Variants in HAAO observed in about 807,000 individuals in gnomAD.
The protein encoded by HAAO is 3-hydroxyanthranilate 3,4-dioxygenase, also known as 3-hydroxyanthranilate oxygenase.
Under a neutral mutation model 46.2 loss-of-function variants are expected in HAAO, and 49 were observed. The ratio of observed to expected loss-of-function variants is 1.06; its 90% CI spans 0.84 to 1.34. The LOEUF (loss-of-function observed/expected upper bound fraction) is 1.34. Ranked by LOEUF, HAAO falls within the 40% of genes most tolerant of loss-of-function variation. HAAO has a pLI of 0.00. For missense variants in HAAO, 408 were observed against 364.5 expected (o/e 1.12, Z -0.97); for synonymous variants, 157 against 145.2 (o/e 1.08, Z -0.58).
At chr2:42,790,465 C>T (rs1454336660) in intron 1 of HAAO, among the ~76,000 whole-genome samples, 2 of 151,098 alleles carry the variant, frequency 1.3e-5, no homozygotes, top group African/African-American at 4.9e-5. Flanking sequence ...GAAGGCTGGT[C>T]CAGGAGGGTG....
chr2:42,780,902 C>T (rs1312465699), intron 4 of HAAO, among the ~76,000 whole-genome samples: 1 of 68,254 alleles, frequency 1.5e-5, no homozygotes, highest in Non-Finnish European at 2.6e-5. Flanking sequence ...CCTGTCTCTA[C>T]TAAAAATACA....
rs775680087 is a variant in HAAO, at chr2:42,767,457, A to C, written c.841T>G (p.Cys281Gly). Residue 281 changes from cysteine (C) to glycine (G), a missense_variant, in exon 10 of 10, where the codon TGC (cysteine) becomes GGC (glycine). Coordinates refer to ENST00000294973, the MANE Select transcript of HAAO (RefSeq NM_012205.3). ...VALSVTQDPACKKPLG is the reference protein window; with the variant it reads ...VALSVTQDPAGKKPLG Reference sequence around the variant, plus strand: ...GAGGGTCACCCCAGGGGCTTCTTGCAGGCAGGGTCCTGGGTCACAGACAGG... The same window carrying C: ...GAGGGTCACCCCAGGGGCTTCTTGCCGGCAGGGTCCTGGGTCACAGACAGG... The C allele has an allele frequency of 2.5e-6, 4 of 1,612,964 alleles. No homozygotes were observed. Among genetic ancestry groups the C allele is most frequent in the African/African-American group, 1.3e-5 (1 of 74,904 alleles).
intron 7 of HAAO, among the ~76,000 whole-genome samples, chr2:42,768,483 C>G (rs1039669467): frequency 4.6e-5 from 7 of 152,138 alleles, no homozygotes; most frequent in Admixed American, 3.9e-4. Context: ...CTGAGTGGTA[C>G]TGCTGTGACA....
intron 4 of HAAO, among the ~76,000 whole-genome samples, chr2:42,781,417 A>G (rs1324828191): frequency 6.6e-6 from 1 of 152,180 alleles, no homozygotes; most frequent in African/African-American, 2.4e-5. Flanking sequence ...GACACGCCCA[A>G]AGGCCTCAAG....
chr2:42,773,474 A>G (rs868301872), intron 4 of HAAO, among the ~76,000 whole-genome samples: 4 of 152,136 alleles, frequency 2.6e-5, no homozygotes, highest in South Asian at 2.1e-4. Flanking sequence ...CGCTTTCCAC[A>G]TCTCACCCCT....
intron 2 of HAAO, among the ~76,000 whole-genome samples, chr2:42,784,903 C>T (rs765346982): frequency 4.6e-5 from 7 of 152,204 alleles, no homozygotes; most frequent in Non-Finnish European, 8.8e-5. Context: ...AGTGCTAAAA[C>T]TGGGAAAGTT....
rs376330154 is a variant in HAAO at position 42,783,570 on chromosome 2, A to AC, written c.244-151dup. 120 of 677,342 alleles carry AC rather than the reference A, an allele frequency of 1.8e-4. No individual in the cohort carries two copies. The African/African-American group carries it at 2.1e-3, about 12-fold the overall frequency. The allele number at this position is 677,342 out of a possible 1,614,324, so 42.0% of individuals were successfully genotyped here. ...GGGCCCTCTTCTCTGCCCAGCCTCT[A>AC]CACCAGGGAACCAGAGGGAATGTTG... On this transcript the variant is annotated intron_variant, in intron 3 of 9. Coordinates refer to ENST00000294973, the MANE Select transcript of HAAO (RefSeq NM_012205.3).
intron 6 of HAAO, 36 bp downstream of exon 6, chr2:42,770,107 G>A (rs1274011394): frequency 6.3e-7 from 1 of 1,585,566 alleles, no homozygotes; most frequent in East Asian, 2.3e-5. Context: ...GGAAGGGGAG[G>A]GAGGGAAGGA....
chr2:42,783,944 C>G, intron 2 of HAAO, 77 bp from the exon 3 acceptor site: 4 of 1,549,568 alleles, frequency 2.6e-6, no homozygotes, highest in Non-Finnish European at 3.5e-6. Flanking sequence ...GCCCTGAATT[C>G]TGACCGGGAA....
intron 2 of HAAO, among the ~76,000 whole-genome samples, chr2:42,786,798 T>C (rs989868350): frequency 6.6e-6 from 1 of 152,156 alleles, no homozygotes; most frequent in East Asian, 1.9e-4. Flanking sequence ...CTGACCGCTA[T>C]TGCAGAGGCA....
At chr2:42,791,887 G>T (rs935696030) in intron 1 of HAAO, among the ~76,000 whole-genome samples, 7 of 141,054 alleles carry the variant, frequency 5.0e-5, no homozygotes, top group African/African-American at 1.9e-4. Flanking sequence ...GCAGGCAGAG[G>T]CTACTGGCAG....
intron 1 of HAAO, among the ~76,000 whole-genome samples, chr2:42,790,100 G>C (rs1672677620): frequency 6.6e-6 from 1 of 152,172 alleles, no homozygotes; most frequent in Non-Finnish European, 1.5e-5. Flanking sequence ...CCCCAAACTA[G>C]ACTGGCAGGT....
intron 4 of HAAO, among the ~76,000 whole-genome samples, chr2:42,770,948 A>G (rs55727995): frequency 0.41 from 62,070 of 152,096 alleles, 13,297 homozygotes; most frequent in African/African-American, 0.51. Context: ...GACAATCTTA[A>G]AAACTTAGAG....
At chr2:42,790,277 G>A (rs1022766478) in intron 1 of HAAO, among the ~76,000 whole-genome samples, 6 of 152,050 alleles carry the variant, frequency 3.9e-5, no homozygotes, top group Non-Finnish European at 8.8e-5. Context: ...GGATGAGGTT[G>A]CAGGGCAGGA....
intron 4 of HAAO, among the ~76,000 whole-genome samples, chr2:42,775,344 T>C (rs1671469308): frequency 6.6e-6 from 1 of 151,702 alleles, no homozygotes; most frequent in South Asian, 2.1e-4. Context: ...TTTTGACTGC[T>C]AAGGGGCTTG....
At chr2:42,785,735 G>T (rs1254549093) in intron 2 of HAAO, among the ~76,000 whole-genome samples, 2 of 152,042 alleles carry the variant, frequency 1.3e-5, no homozygotes, top group Non-Finnish European at 2.9e-5. Flanking sequence ...GGTGATGTGT[G>T]CCTGTAGTCC....
Position 42,792,533 on chromosome 2 carries a change from C to T in HAAO, c.4G>A (p.Glu2Lys), listed in dbSNP as rs747213847. The T allele has an allele frequency of 1.3e-6, 2 of 1,574,600 alleles. No individual in the cohort carries two copies. Among genetic ancestry groups the T allele is most frequent in the South Asian group, 1.1e-5 (1 of 87,086 alleles). Residue 2 changes from glutamate to lysine, a missense_variant, in exon 1 of 10, where the codon GAG becomes AAG. By Grantham distance (56) the Glu-to-Lys change is moderately conservative. Transcript: ENST00000294973. M[E>K]RRLGVRAWVK... Reference sequence around the variant, plus strand: ...CAGGCCCTCACTCCCAGGCGGCGCTCCATGACTGTCCCGGGCGCCTCCTCG... The same window carrying T: ...CAGGCCCTCACTCCCAGGCGGCGCTTCATGACTGTCCCGGGCGCCTCCTCG...
chr2:42,792,220 G>A (rs1347294216), intron 1 of HAAO, among the ~76,000 whole-genome samples: 1 of 152,150 alleles, frequency 6.6e-6, no homozygotes, highest in African/African-American at 2.4e-5. Context: ...ATCTCCTACA[G>A]CCTGAGAACC....
At chr2:42,768,437 G>A (rs1419912909) in intron 7 of HAAO, among the ~76,000 whole-genome samples, 5 of 152,166 alleles carry the variant, frequency 3.3e-5, no homozygotes, top group Non-Finnish European at 7.4e-5. Context: ...AACTGAAGCA[G>A]GTAAGAGCAG....
Sources: allele counts gnomAD v4.1 joint callset (sites outside exome capture counted in the v4.1 genomes callset), GRCh38; gene constraint gnomAD v4.1.1; transcripts MANE v1.5; gene names NCBI Gene and HGNC (gene_info 2026-07-23, HGNC 2026-07-21).